Variants in TAF4B observed in about 807,000 individuals in gnomAD.
TAF4B encodes transcription initiation factor TFIID subunit 4B.
Under a neutral mutation model 86.4 loss-of-function variants are expected in TAF4B, and 38 were observed. That is an observed-to-expected ratio of 0.44 (90% confidence interval 0.34 to 0.58). The LOEUF is 0.58. Ranked by LOEUF, TAF4B falls within the 20% of genes least tolerant of loss-of-function variation. TAF4B has a pLI of 0.02. For missense variants in TAF4B, 988 were observed against 1,027.6 expected (o/e 0.96, Z 0.53); for synonymous variants, 388 against 391.2 (o/e 0.99, Z 0.10).
chr18:26,365,917 G>A (rs917385164), intron 14 of TAF4B, among the ~76,000 whole-genome samples: 11 of 152,116 alleles, frequency 7.2e-5, no homozygotes, highest in African/African-American at 2.7e-4. Flanking sequence ...AGCCTCCTGA[G>A]TAACTGGGAC....
At chr18:26,318,284 C>T (rs1193410662) in intron 10 of TAF4B, among the ~76,000 whole-genome samples, 1 of 151,780 alleles carries the variant, frequency 6.6e-6, no homozygotes, top group Non-Finnish European at 1.5e-5. Context: ...ATTTTCAGTT[C>T]TTAGTGATGA....
intron 1 of TAF4B, among the ~76,000 whole-genome samples, chr18:26,235,272 A>G (rs9961112): frequency 0.31 from 47,842 of 151,966 alleles, 13,220 homozygotes; most frequent in African/African-American, 0.75. Context: ...TGCTGTAGCC[A>G]GAGATCCATA....
chr18:26,237,920 C>T (rs1337662650), intron 1 of TAF4B, among the ~76,000 whole-genome samples: 1 of 152,088 alleles, frequency 6.6e-6, no homozygotes, highest in Non-Finnish European at 1.5e-5. Flanking sequence ...CTGAGCGTTT[C>T]CCATCAGAAA....
chr18:26,282,005 A>T lies in TAF4B; in HGVS notation c.917A>T (p.Lys306Ile). 2 of 1,613,480 alleles carry T rather than the reference A, an allele frequency of 1.2e-6. No individual in the cohort carries two copies. The highest frequency in any genetic ancestry group is 2.2e-5 in the South Asian group (2 of 90,940). Residue 306 changes from lysine to isoleucine, a missense_variant, in exon 6 of 15, where the codon AAA (lysine) becomes ATA (isoleucine). Around this residue, in one of 3 missense-constraint regions of TAF4B, gnomAD observed 747 missense variants for 737.9 expected, o/e 1.01. Transcript: ENST00000269142. ...AKIEAEEFTR[K>I]LYVELKSSPQ... is the part of the protein sequence containing the mutation. ...ATCGAAGCAGAAGAATTTACTAGGA[A>T]ACTGTATGTTGAACTCAAGTCTTCA...
At chr18:26,329,064 T>C (rs750296472) in intron 12 of TAF4B, among the ~76,000 whole-genome samples, 26 of 152,056 alleles carry the variant, frequency 1.7e-4, no homozygotes, top group Non-Finnish European at 2.8e-4. Flanking sequence ...TCTCTTTCCT[T>C]TTCTTTCTTT....
intron 9 of TAF4B, among the ~76,000 whole-genome samples, chr18:26,302,335 ATATT>A (rs1015637025): frequency 6.6e-5 from 9 of 137,252 alleles, no homozygotes; most frequent in Admixed American, 2.2e-4. Flanking sequence ...ATAGTCTCCT[ATATT>A]GTCTTCTAAA....
chr18:26,347,395 G>A (rs1272231705), intron 13 of TAF4B, among the ~76,000 whole-genome samples: 2 of 152,076 alleles, frequency 1.3e-5, no homozygotes, highest in African/African-American at 4.8e-5. Flanking sequence ...GAAAGGATGT[G>A]AAGCTATAAA....
At chr18:26,241,016 G>A (rs1044770625) in intron 1 of TAF4B, among the ~76,000 whole-genome samples, 2 of 152,170 alleles carry the variant, frequency 1.3e-5, no homozygotes, top group Non-Finnish European at 2.9e-5. Flanking sequence ...TTGTATCGAT[G>A]TTCATCAGGG....
rs2144401746 is a variant in TAF4B, at chr18:26,226,527, G to C, written c.-407G>C. 6.3e-6 allele frequency: 1 copy of C among 159,122 alleles called. No individual in the cohort carries two copies. The highest frequency in any genetic ancestry group is 6.5e-5 in the Admixed American group (1 of 15,478). The allele number at this position is 159,122 out of a possible 1,614,324, so 9.9% of individuals were successfully genotyped here. On this transcript the variant is annotated 5_prime_UTR_variant, in exon 1 of 15. Transcript: ENST00000269142. ...AGGGGGCTGTGGGCACTCGGGGTTC[G>C]TAGTTTTGAAATTTCTGGCGGGGGA...
At chr18:26,305,368 A>T (rs1488629547) in intron 9 of TAF4B, among the ~76,000 whole-genome samples, 3 of 152,166 alleles carry the variant, frequency 2.0e-5, no homozygotes, top group Admixed American at 6.6e-5. Flanking sequence ...ATTCCCATTT[A>T]AAAAAGGGCA....
At chr18:26,334,071 C>G (rs2057072053) in intron 12 of TAF4B, among the ~76,000 whole-genome samples, 1 of 151,916 alleles carries the variant, frequency 6.6e-6, no homozygotes, top group South Asian at 2.1e-4. Flanking sequence ...GACTCATTCT[C>G]TGGTGATACT....
intron 14 of TAF4B, among the ~76,000 whole-genome samples, chr18:26,363,447 TAGG>T (rs1171296521): frequency 1.4e-5 from 2 of 148,108 alleles, no homozygotes; most frequent in East Asian, 4.0e-4. Flanking sequence ...TTGGAGGGCT[TAGG>T]AGGGAGGATA....
intron 3 of TAF4B, among the ~76,000 whole-genome samples, chr18:26,268,991 T>G (rs1290645606): frequency 1.3e-5 from 2 of 151,878 alleles, no homozygotes; most frequent in Admixed American, 1.3e-4. Flanking sequence ...CCCAGCTGAT[T>G]TTTTGTATTT....
chr18:26,259,290 T>C (rs904021744), intron 1 of TAF4B, among the ~76,000 whole-genome samples: 6 of 152,090 alleles, frequency 3.9e-5, no homozygotes, highest in African/African-American at 4.8e-5. Context: ...TTTTCTTCTT[T>C]TTTTTTTATT....
chr18:26,285,068 A>G (rs532890621), intron 6 of TAF4B, among the ~76,000 whole-genome samples: 1 of 150,438 alleles, frequency 6.6e-6, no homozygotes, highest in Admixed American at 6.6e-5. Flanking sequence ...CCTGGGTCCA[A>G]GTGATCCTCC....
At position 26,327,232 on chromosome 18, in the gene TAF4B, C is replaced by T. The variant is rs924890115; in HGVS notation, c.2259+92C>T. The T allele has an allele frequency of 1.7e-5, 25 of 1,458,102 alleles. No homozygotes were observed. In the Admixed American group the frequency reaches 2.8e-4, roughly 16 times the overall value. The allele number at this position is 1,458,102 out of a possible 1,614,324, so 90.3% of individuals were successfully genotyped here. On this transcript the variant is annotated intron_variant, in intron 12 of 14. Coordinates refer to ENST00000269142, the MANE Select transcript of TAF4B (RefSeq NM_005640.3). ...GGTTGACTGTCTTGGTTTTATTAGG[C>T]CTTTAGATTTCTCCAGAGGATTTCC...
chr18:26,314,009 G>A (rs1462601965), intron 9 of TAF4B, among the ~76,000 whole-genome samples: 1 of 152,074 alleles, frequency 6.6e-6, no homozygotes, highest in Non-Finnish European at 1.5e-5. Flanking sequence ...ATGTGTTTGA[G>A]TATGAGTTCT....
At position 26,293,416 on chromosome 18, in the gene TAF4B, G is replaced by T; in HGVS notation, c.1727-10G>T. On this transcript the variant is annotated splice_polypyrimidine_tract_variant and intron_variant, in intron 8 of 14. Transcript: ENST00000269142. ...TTTGTATTCTATTTTTTCTTGTTTT[G>T]TTTTTATAGCTTCCATTCTAAAGCA... is the stretch of plus-strand genomic sequence containing the variant. 6.3e-7 allele frequency: 1 copy of T among 1,575,834 alleles called. No individual in the cohort carries two copies.
chr18:26,375,063 A>C (rs751101154), intron 14 of TAF4B, among the ~76,000 whole-genome samples: 4 of 152,146 alleles, frequency 2.6e-5, no homozygotes, highest in African/African-American at 7.2e-5. Flanking sequence ...TAGCTTGTTT[A>C]TTTGGCCATT....
Sources: gnomAD v4.1 joint callset for allele counts (sites outside exome capture counted in the v4.1 genomes callset) on GRCh38, gnomAD v4.1.1 for gene constraint, gnomAD v4.1.1 regional missense constraint, MANE v1.5 for transcripts, NCBI Gene and HGNC (gene_info 2026-07-23, HGNC 2026-07-21) for gene names.